The following CP variants were observed in gnomAD, a reference collection of about 807,000 sequenced individuals.
CP encodes ceruloplasmin, also known as caeruloplasmin.
Under a neutral mutation model 122.4 loss-of-function variants are expected in CP, and 64 were observed. That is an observed-to-expected ratio of 0.52 (90% CI 0.43 to 0.64). The LOEUF is 0.64. CP is among the 30% of genes least tolerant of loss of function. CP has a pLI of 0.00. For missense variants in CP, 1,167 were observed against 1,284.4 expected (o/e 0.91, Z 1.40); for synonymous variants, 440 against 436.4 (o/e 1.01, Z -0.10).
At chr3:149,197,603 G>A (rs1201886853) in intron 9 of CP, among the ~76,000 whole-genome samples, 1 of 152,076 alleles carries the variant, frequency 6.6e-6, no homozygotes, top group East Asian at 1.9e-4. Context: ...ATGTTTTAGC[G>A]ATCCCCAACA....
intron 9 of CP, among the ~76,000 whole-genome samples, chr3:149,195,099 A>C (rs924843652): frequency 2.0e-5 from 3 of 152,232 alleles, no homozygotes; most frequent in Admixed American, 2.0e-4. Context: ...CCATACAGAA[A>C]AAAGATAAAT....
chr3:149,217,374 G>A (rs937600321), intron 1 of CP, among the ~76,000 whole-genome samples: 4 of 152,080 alleles, frequency 2.6e-5, no homozygotes, highest in Non-Finnish European at 4.4e-5. Flanking sequence ...CAACATCAGC[G>A]CCTTGGGTTC....
chr3:149,193,577 T>C (rs907802108), intron 9 of CP, among the ~76,000 whole-genome samples: 1 of 152,224 alleles, frequency 6.6e-6, no homozygotes, highest in African/African-American at 2.4e-5. Context: ...TTCACAGTGT[T>C]CATGAAATAT....
intron 9 of CP, among the ~76,000 whole-genome samples, chr3:149,196,243 T>C (rs905844037): frequency 3.3e-5 from 5 of 152,216 alleles, no homozygotes; most frequent in Admixed American, 1.3e-4. Context: ...AATAAGATTT[T>C]TCAGTGCAGT....
Position 149,176,577 on chromosome 3 carries a change from A to T in CP, c.3019-165T>A, listed in dbSNP as rs141785513. 11,528 of 619,018 alleles carry T rather than the reference A, an allele frequency of 0.019. 161 individuals carry two copies. Among genetic ancestry groups the T allele is most frequent in the Non-Finnish European group, 0.025 (8,960 of 352,668 alleles). 38.3% of individuals were successfully genotyped at this position (619,018 alleles called of 1,614,324 possible). The stretch of plus-strand genomic sequence containing the variant: ...ACAAATGGTAAAATGTGGTTTTTGT[A>T]TTCCTAATAAGTCTTTGGTATCCAC... On this transcript the variant is annotated intron_variant, in intron 17 of 18. Coordinates refer to ENST00000264613, the MANE Select transcript of CP (RefSeq NM_000096.4).
At chr3:149,191,806 A>T (rs918083901) in intron 9 of CP, among the ~76,000 whole-genome samples, 4 of 152,120 alleles carry the variant, frequency 2.6e-5, no homozygotes, top group Admixed American at 6.5e-5. Context: ...ATATGCAATT[A>T]AAAAATACCG....
chr3:149,185,432 C>G lies in CP; in HGVS notation c.2092G>C (p.Glu698Gln). The part of the protein sequence containing the change: ...WPDTEGTFNV[E>Q]CLTTDHYTGG... Reference sequence around the variant, plus strand: ...GTGTAATGATCAGTTGTAAGGCATTCAACATTAAAAGTCCCTGGAGTGGTA... The same window carrying G: ...GTGTAATGATCAGTTGTAAGGCATTGAACATTAAAAGTCCCTGGAGTGGTA... The change falls in exon 12 of 19, where the codon GAA (glutamate) becomes CAA (glutamine). Residue 698 changes from glutamate (E) to glutamine (Q), a missense_variant. Physicochemically the swap from Glu to Gln is conservative, Grantham distance 29. This residue lies in a region of CP where 525 missense variants were observed against 657.2 expected (regional missense o/e 0.80). Transcript: ENST00000264613. The G allele has an allele frequency of 6.2e-7, 1 of 1,614,100 alleles. No homozygotes were observed. Among genetic ancestry groups the G allele is most frequent in the African/African-American group, 1.3e-5 (1 of 75,016 alleles).
chr3:149,181,978 C>CAA, intron 14 of CP, 27 bp downstream of exon 14: 1 of 512,318 alleles, frequency 2.0e-6, no homozygotes, highest in Non-Finnish European at 3.7e-6. Context: ...TAAAATGCAC[C>CAA]ACCCCCACCC....
At chr3:149,176,660 TA>T in intron 17 of CP, 1 of 455,312 alleles carries the variant, frequency 2.2e-6, no homozygotes, top group Admixed American at 3.5e-5. Flanking sequence ...CAGGACTACC[TA>T]CAAACCTCCT....
intron 13 of CP, among the ~76,000 whole-genome samples, chr3:149,182,899 C>G (rs1323964603): frequency 6.6e-6 from 1 of 151,796 alleles, no homozygotes; most frequent in African/African-American, 2.4e-5. Flanking sequence ...GCCTGTAATC[C>G]CAGCACTTTG....
chr3:149,202,908 C>CTTT (rs34145911), intron 6 of CP, among the ~76,000 whole-genome samples: 1 of 110,348 alleles, frequency 9.1e-6, no homozygotes, highest in Non-Finnish European at 1.8e-5. Flanking sequence ...CATGCCTGGC[C>CTTT]TTTTTTTTTT....
rs745532433 is a variant in CP, at chr3:149,212,026, A to G, written c.394+425T>C. Among the ~76,000 whole-genome samples, 134 of 152,086 alleles carry G rather than the reference A, an allele frequency of 8.8e-4. 1 individual carries two copies. The highest frequency in any genetic ancestry group is 1.7e-3 in the Non-Finnish European group (117 of 67,972). On this transcript the variant is annotated intron_variant, in intron 2 of 18. Transcript: ENST00000264613. ...ATAAAATAGTTGGCCGGGTGCAGTG[A>G]CTCACGCCTGTAATCCCAGCACTTT... is the stretch of plus-strand genomic sequence containing the variant.
chr3:149,208,600 A>G (rs1013453944), intron 4 of CP, among the ~76,000 whole-genome samples: 6 of 152,196 alleles, frequency 3.9e-5, no homozygotes, highest in Non-Finnish European at 8.8e-5. Context: ...TTATTGGTCT[A>G]GTTGTTGTTA....
downstream of CP, chr3:149,172,027 G>A (rs1163721168): frequency 2.0e-6 from 3 of 1,537,138 alleles, no homozygotes; most frequent in Non-Finnish European, 2.7e-6. Context: ...TAATTGGTTG[G>A]TTAAGTAAGA....
At chr3:149,190,401 T>C (rs1439591208) in intron 9 of CP, among the ~76,000 whole-genome samples, 3 of 152,256 alleles carry the variant, frequency 2.0e-5, no homozygotes, top group East Asian at 1.9e-4. Context: ...CTCACACTTG[T>C]AATCCCAGCA....
rs886058090 is a variant in CP at position 149,221,668 on chromosome 3, T to C, written c.125A>G (p.Lys42Arg). 8 of 1,611,998 alleles carry C rather than the reference T, an allele frequency of 5.0e-6. No individual in the cohort carries two copies. The highest frequency in any genetic ancestry group is 6.8e-6 in the Non-Finnish European group (8 of 1,179,494). Residue 42 changes from lysine to arginine, a missense_variant, in exon 1 of 19, where the codon AAG becomes AGG. Physicochemically the swap from Lys to Arg is conservative, Grantham distance 26. Transcript: ENST00000264613. ...TWDYASDHGEKKLISVDTEHS... is the reference protein window; with the variant it reads ...TWDYASDHGERKLISVDTEHS... ...TTACGTGTCAACAGAAATAAGTTTC[T>C]TTTCCCCATGGTCAGAGGCATAATC...
At chr3:149,221,226 A>G (rs754869896) in intron 1 of CP, among the ~76,000 whole-genome samples, 7 of 152,228 alleles carry the variant, frequency 4.6e-5, no homozygotes, top group Non-Finnish European at 7.4e-5. Context: ...CTTATTTGCT[A>G]AAATTGTATT....
At chr3:149,218,551 T>C (rs966391700) in intron 1 of CP, among the ~76,000 whole-genome samples, 8 of 152,216 alleles carry the variant, frequency 5.3e-5, no homozygotes, top group African/African-American at 1.7e-4. Flanking sequence ...GCCAGTGTTT[T>C]CAGTTGCACT....
chr3:149,191,450 T>G (rs1726545915), intron 9 of CP, among the ~76,000 whole-genome samples: 1 of 152,018 alleles, frequency 6.6e-6, no homozygotes, highest in Non-Finnish European at 1.5e-5. Context: ...TTGGAGCAGC[T>G]CAAGTGATTT....
Sources: gnomAD v4.1 joint callset for allele counts (sites outside exome capture counted in the v4.1 genomes callset) on GRCh38, gnomAD v4.1.1 for gene constraint, gnomAD v4.1.1 regional missense constraint, MANE v1.5 for transcripts, NCBI Gene and HGNC (gene_info 2026-07-23, HGNC 2026-07-21) for gene names.